The following GRIK2 variants were observed in gnomAD, a reference collection of about 807,000 sequenced individuals.
GRIK2 encodes glutamate ionotropic receptor kainate type subunit 2, also known as glutamate receptor ionotropic, kainate 2.
Under a neutral mutation model 100.3 loss-of-function variants are expected in GRIK2, and 32 were observed. That is an observed-to-expected ratio of 0.32 (90% CI 0.24 to 0.43). GRIK2 has a LOEUF of 0.43. Among genes scored for constraint, GRIK2 ranks in the 20% least tolerant of loss-of-function variants. The pLI, the probability that GRIK2 is intolerant of heterozygous loss-of-function variation, is 1.00. For synonymous variants in GRIK2, 417 were observed against 389.4 expected (o/e 1.07, Z -0.83); for missense variants, 843 against 1,114.9 (o/e 0.76, Z 3.47).
intron 2 of GRIK2, among the ~76,000 whole-genome samples, chr6:101,458,375 T>G (rs1771120142): frequency 6.6e-6 from 1 of 152,238 alleles, no homozygotes; most frequent in South Asian, 2.1e-4. Flanking sequence ...CACATTCTTT[T>G]AATTTAGTGC....
At chr6:101,908,550 A>G (rs1384812186) in intron 12 of GRIK2, among the ~76,000 whole-genome samples, 1 of 151,330 alleles carries the variant, frequency 6.6e-6, no homozygotes, top group African/African-American at 2.4e-5. Context: ...TTTAGGACCT[A>G]TAAGTTAATG....
chr6:101,996,284 A>G (rs1474404138), intron 14 of GRIK2, among the ~76,000 whole-genome samples: 6 of 152,224 alleles, frequency 3.9e-5, no homozygotes, highest in Non-Finnish European at 7.4e-5. Context: ...TAGATTTTCT[A>G]TCAAAAGAGG....
chr6:101,536,625 A>G (rs1464599282), intron 2 of GRIK2, among the ~76,000 whole-genome samples: 1 of 151,744 alleles, frequency 6.6e-6, no homozygotes, highest in Admixed American at 6.6e-5. Context: ...AGATAGAGAG[A>G]TACACAATAA....
intron 14 of GRIK2, among the ~76,000 whole-genome samples, chr6:102,029,628 A>G (rs1769881237): frequency 6.6e-6 from 1 of 151,212 alleles, no homozygotes. Context: ...CTTACACAAT[A>G]TATTTTACAG....
intron 14 of GRIK2, among the ~76,000 whole-genome samples, chr6:101,970,353 A>T (rs1413281735): frequency 6.6e-6 from 1 of 152,050 alleles, no homozygotes; most frequent in Non-Finnish European, 1.5e-5. Flanking sequence ...TTAGGCAGCC[A>T]GTGTTATTAG....
intron 2 of GRIK2, among the ~76,000 whole-genome samples, chr6:101,557,691 GT>G (rs1649809403): frequency 6.6e-6 from 1 of 152,104 alleles, no homozygotes; most frequent in African/African-American, 2.4e-5. Context: ...AAGTCTCTTA[GT>G]TTTTCCCATC....
intron 10 of GRIK2, among the ~76,000 whole-genome samples, chr6:101,846,855 C>G (rs1016405892): frequency 5.9e-5 from 9 of 151,712 alleles, no homozygotes; most frequent in Admixed American, 2.0e-4. Flanking sequence ...TAGCAAAGGC[C>G]CTCTTTTTTC....
At chr6:101,752,567 A>C (rs899493481) in intron 7 of GRIK2, among the ~76,000 whole-genome samples, 3 of 152,158 alleles carry the variant, frequency 2.0e-5, no homozygotes, top group Non-Finnish European at 4.4e-5. Context: ...GATAATTCCA[A>C]CTCAAATTTA....
rs143884127 is a variant in GRIK2 at position 101,638,910 on chromosome 6, C to T, written c.541+12273C>T. Among the ~76,000 whole-genome samples, 1,171 of 152,120 alleles carry T rather than the reference C, an allele frequency of 7.7e-3. 11 individuals are homozygous for T. Among genetic ancestry groups the T allele is most frequent in the South Asian group, 0.026 (127 of 4,810 alleles). Reference sequence around the variant, plus strand: ...GCTGAGGTGAGATGATTGCTTGAGCCCAGGAAGTTGAAGCTACAGTGAACC... The same window carrying T: ...GCTGAGGTGAGATGATTGCTTGAGCTCAGGAAGTTGAAGCTACAGTGAACC... On this transcript the variant is annotated intron_variant, in intron 4 of 16. Transcript: ENST00000369134.
intron 2 of GRIK2, among the ~76,000 whole-genome samples, chr6:101,532,850 G>T (rs1562206055): frequency 6.6e-6 from 1 of 151,418 alleles, no homozygotes; most frequent in African/African-American, 2.4e-5. Flanking sequence ...AGACAACAAA[G>T]AATTAAGATG....
intron 2 of GRIK2, among the ~76,000 whole-genome samples, chr6:101,541,154 C>T (rs569987203): frequency 1.1e-4 from 17 of 151,956 alleles, no homozygotes; most frequent in Non-Finnish European, 2.2e-4. Context: ...CCATGGAAAA[C>T]CAATTGATTT....
intron 2 of GRIK2, among the ~76,000 whole-genome samples, chr6:101,532,121 GTCTA>G (rs1197442099): frequency 2.0e-5 from 3 of 151,708 alleles, no homozygotes; most frequent in African/African-American, 4.8e-5. Flanking sequence ...TTGTGTTTTG[GTCTA>G]TCTATCTAAT....
chr6:101,834,211 C>G (rs1477174611), intron 10 of GRIK2, among the ~76,000 whole-genome samples: 1 of 151,932 alleles, frequency 6.6e-6, no homozygotes, highest in African/African-American at 2.4e-5. Flanking sequence ...ACATAAAATT[C>G]TTTGAGGCTT....
At position 101,622,067 on chromosome 6, in the gene GRIK2, T is replaced by C. The variant is rs141309143; in HGVS notation, c.234T>C (p.Tyr78=). 6.2e-5 allele frequency: 100 copies of C among 1,603,146 alleles called. No individual in the cohort carries two copies. In the African/African-American group the frequency reaches 1.3e-3, roughly 21 times the overall value. The part of the protein sequence containing the change: ...RTLLPNTTLT[Y]DTQKINLYDS... ...TGCTACCCAATACTACCCTTACCTA[T>C]GATACCCAGAAGATAAACCTTTATG... is the stretch of plus-strand genomic sequence containing the variant. Residue 78 remains tyrosine, a synonymous_variant, in exon 3 of 17, where the codon TAT becomes TAC. Transcript: ENST00000369134.
intron 15 of GRIK2, among the ~76,000 whole-genome samples, chr6:102,047,516 G>A (rs1023945503): frequency 2.0e-5 from 3 of 151,970 alleles, no homozygotes; most frequent in Non-Finnish European, 2.9e-5. Flanking sequence ...TTGGGAGGCC[G>A]AGCTGGATGG....
At chr6:101,430,050 A>G (rs1365982609) in intron 2 of GRIK2, among the ~76,000 whole-genome samples, 1 of 152,172 alleles carries the variant, frequency 6.6e-6, no homozygotes, top group East Asian at 1.9e-4. Context: ...ATCCTGGAAC[A>G]CTGAGCTCTG....
intron 2 of GRIK2, among the ~76,000 whole-genome samples, chr6:101,437,554 T>A (rs1769799582): frequency 6.6e-6 from 1 of 152,158 alleles, no homozygotes; most frequent in Admixed American, 6.6e-5. Context: ...ACTTGTAATT[T>A]CACAAGACAT....
chr6:101,691,521 C>T (rs1037144298), intron 7 of GRIK2, among the ~76,000 whole-genome samples: 1 of 152,078 alleles, frequency 6.6e-6, no homozygotes, highest in Non-Finnish European at 1.5e-5. Context: ...TGGTCTCCAA[C>T]TCCTGACCTC....
chr6:101,398,478 G>A (rs1167354044), intron 1 of GRIK2, among the ~76,000 whole-genome samples: 6 of 152,098 alleles, frequency 3.9e-5, no homozygotes, highest in Non-Finnish European at 8.8e-5. Context: ...CAAAATAAAA[G>A]TATAAATAAG....
Sources: allele counts gnomAD v4.1 joint callset (sites outside exome capture counted in the v4.1 genomes callset), GRCh38; gene constraint gnomAD v4.1.1; transcripts MANE v1.5; gene names NCBI Gene and HGNC (gene_info 2026-07-23, HGNC 2026-07-21).